SHROOM3: variants seen among roughly 807,000 people sequenced by gnomAD.
SHROOM3 encodes shroom family member 3.
In SHROOM3, 47 loss-of-function variants were observed where a neutral mutation model predicts 138.6. The ratio of observed to expected loss-of-function variants is 0.34; its 90% CI spans 0.27 to 0.43. The LOEUF is 0.43. Among genes scored for constraint, SHROOM3 ranks in the 20% least tolerant of loss-of-function variants. The probability of loss-of-function intolerance (pLI) is 1.00; values close to 1 mark genes in which losing one functional copy is unlikely to be tolerated. For synonymous variants in SHROOM3, 1,062 were observed against 1,063.3 expected, an observed-to-expected ratio of 1.00 and a Z score of 0.02; for missense variants, 2,491 against 2,596.5, an observed-to-expected ratio of 0.96 and a Z score of 0.88.
At chr4:76,463,494 A>C (rs1335183579) in intron 1 of SHROOM3, among the ~76,000 whole-genome samples, 1 of 152,150 alleles carries the variant, frequency 6.6e-6, no homozygotes, top group African/African-American at 2.4e-5. Context: ...GAAAAGAAAA[A>C]CCCATTTTCT....
At chr4:76,635,056 G>A (rs913195726) in intron 2 of SHROOM3, among the ~76,000 whole-genome samples, 1 of 152,022 alleles carries the variant, frequency 6.6e-6, no homozygotes, top group Non-Finnish European at 1.5e-5. Flanking sequence ...AGAAGAGAAC[G>A]GGGGGAGATG....
At chr4:76,635,389 C>T (rs532641553) in intron 2 of SHROOM3, among the ~76,000 whole-genome samples, 1 of 152,162 alleles carries the variant, frequency 6.6e-6, no homozygotes, top group African/African-American at 2.4e-5. Context: ...GTTTTGGGAC[C>T]TGACATGAGC....
At chr4:76,537,161 G>A (rs1217997128) in intron 1 of SHROOM3, among the ~76,000 whole-genome samples, 1 of 152,046 alleles carries the variant, frequency 6.6e-6, no homozygotes, top group Non-Finnish European at 1.5e-5. Context: ...AAGGAAGTGA[G>A]CCATGTAGCT....
rs749764271 is a variant in SHROOM3 at position 76,601,089 on chromosome 4, A to G, written c.323+45326A>G. Among the ~76,000 whole-genome samples, 89 of 152,242 alleles carry G rather than the reference A, an allele frequency of 5.8e-4. 1 individual carries two copies. Among genetic ancestry groups the G allele is most frequent in the Non-Finnish European group, 1.6e-4 (11 of 68,046 alleles). ...CACCATCCCATGCCTTTGAGAAGGA[A>G]GATAAGTTTTCAGAGTGTTTAAAAT... On this transcript the variant is annotated intron_variant, in intron 2 of 10. Transcript: ENST00000296043.
chr4:76,464,155 G>GAAAGCAGCCTGTGAAA (rs1355815573), intron 1 of SHROOM3, among the ~76,000 whole-genome samples: 1 of 152,214 alleles, frequency 6.6e-6, no homozygotes, highest in Non-Finnish European at 1.5e-5. Context: ...CAGCTGTGGG[G>GAAAGCAGCCTGTGAAA]GCCATAACCT....
In SHROOM3 at chr4:76,779,153, C is replaced by A; in HGVS notation, c.5967C>A (p.Phe1989Leu). 1 of 1,612,978 alleles carries A rather than the reference C, an allele frequency of 6.2e-7. No homozygotes were observed. The highest frequency in any genetic ancestry group is 1.1e-5 in the South Asian group (1 of 90,948). The stretch of plus-strand genomic sequence containing the variant: ...GGGGCTGTACTTTCAGTGGTATTTT[C>A]CCAACATTAACCTCTCCACTTTAAC... ...PAGGCTFSGI[F>L]PTLTSPL Residue 1989 changes from phenylalanine to leucine, a missense_variant, in exon 11 of 11, where the codon TTC becomes TTA. Physicochemically the swap from Phe to Leu is conservative, Grantham distance 22. Transcript: ENST00000296043.
intron 2 of SHROOM3, among the ~76,000 whole-genome samples, chr4:76,681,455 TAA>T (rs535374678): frequency 6.9e-6 from 1 of 145,328 alleles, no homozygotes; most frequent in Non-Finnish European, 1.5e-5. Flanking sequence ...ACTGTTTCTT[TAA>T]AAAAAAAAAA....
intron 2 of SHROOM3, among the ~76,000 whole-genome samples, chr4:76,568,026 C>T (rs1018303409): frequency 6.6e-6 from 1 of 152,178 alleles, no homozygotes; most frequent in Non-Finnish European, 1.5e-5. Context: ...CCCCTTTCTC[C>T]TGTATCCTCA....
At chr4:76,578,859 T>C (rs1216623039) in intron 2 of SHROOM3, among the ~76,000 whole-genome samples, 1 of 152,214 alleles carries the variant, frequency 6.6e-6, no homozygotes, top group Non-Finnish European at 1.5e-5. Context: ...ATTTTATTTT[T>C]AATAAGCCTC....
At chr4:76,656,969 C>T (rs192715005) in intron 2 of SHROOM3, among the ~76,000 whole-genome samples, 78 of 152,124 alleles carry the variant, frequency 5.1e-4, no homozygotes, top group Middle Eastern at 3.4e-3. Flanking sequence ...GTCAGGAGTT[C>T]GAGACCAGCC....
intron 1 of SHROOM3, among the ~76,000 whole-genome samples, chr4:76,441,413 G>A (rs1182550441): frequency 6.6e-6 from 1 of 152,114 alleles, no homozygotes; most frequent in African/African-American, 2.4e-5. Flanking sequence ...ATTTGAAATG[G>A]ATTTTTAGGC....
chr4:76,439,580 A>G (rs1179945614), intron 1 of SHROOM3, among the ~76,000 whole-genome samples: 1 of 152,120 alleles, frequency 6.6e-6, no homozygotes, highest in East Asian at 1.9e-4. Flanking sequence ...TCTCTAAGAC[A>G]ATGAAAGAAA....
intron 2 of SHROOM3, among the ~76,000 whole-genome samples, chr4:76,620,091 A>AAAAAAAAAAAG (rs749696462): frequency 6.0e-4 from 81 of 135,278 alleles, no homozygotes; most frequent in Non-Finnish European, 8.9e-4. Context: ...AAAAAAAAAA[A>AAAAAAAAAAAG]AAGAAGAAAA....
chr4:76,485,843 A>G (rs542297245), intron 1 of SHROOM3, among the ~76,000 whole-genome samples: 1 of 152,316 alleles, frequency 6.6e-6, no homozygotes, highest in East Asian at 1.9e-4. Flanking sequence ...GAAATGTGTC[A>G]TAATAAATGA....
chr4:76,710,091 A>G (rs568926825), intron 2 of SHROOM3, 65 bp from the exon 3 acceptor site: 1 of 1,610,282 alleles, frequency 6.2e-7, no homozygotes, highest in South Asian at 1.1e-5. Flanking sequence ...GGTTTTTAAG[A>G]TTCATTTGTG....
chr4:76,693,379 T>G (rs28550028), intron 2 of SHROOM3, among the ~76,000 whole-genome samples: 2 of 102,050 alleles, frequency 2.0e-5, no homozygotes, highest in Admixed American at 2.0e-4. Context: ...TGTTTTTTTT[T>G]TTTTTTTTTT....
chr4:76,548,100 G>A (rs2110024627), intron 1 of SHROOM3, among the ~76,000 whole-genome samples: 1 of 152,278 alleles, frequency 6.6e-6, no homozygotes, highest in South Asian at 2.1e-4. Flanking sequence ...GGAGGTAAGG[G>A]AAAAAGTCAA....
chr4:76,576,398 C>T (rs1269154973), intron 2 of SHROOM3, among the ~76,000 whole-genome samples: 1 of 152,116 alleles, frequency 6.6e-6, no homozygotes, highest in Non-Finnish European at 1.5e-5. Flanking sequence ...GAGCCAGGCA[C>T]AGAAAGACAA....
intron 1 of SHROOM3, among the ~76,000 whole-genome samples, chr4:76,529,421 G>A (rs899363642): frequency 5.3e-5 from 8 of 151,684 alleles, no homozygotes; most frequent in African/African-American, 9.7e-5. Context: ...AGTTCACACC[G>A]TTCTCTTGCC....
Sources: allele counts gnomAD v4.1 joint callset (sites outside exome capture counted in the v4.1 genomes callset), GRCh38; gene constraint gnomAD v4.1.1; transcripts MANE v1.5; gene names NCBI Gene and HGNC (gene_info 2026-07-23, HGNC 2026-07-21).